Variants in FLT1 observed in about 807,000 individuals in gnomAD.
The protein encoded by FLT1 is vascular endothelial growth factor receptor 1.
In FLT1, 49 loss-of-function variants were observed where a neutral mutation model predicts 156.3. That is an observed-to-expected ratio of 0.31 (90% CI 0.25 to 0.40). The LOEUF is 0.40. Ranked by LOEUF, FLT1 falls within the 10% of genes least tolerant of loss-of-function variation. FLT1 has a pLI of 1.00. For synonymous variants in FLT1, 594 were observed against 583.8 expected, an observed-to-expected ratio of 1.02 and a Z score of -0.25; for missense variants, 1,322 against 1,637.2, an observed-to-expected ratio of 0.81 and a Z score of 3.32.
At chr13:28,333,270 G>A (rs1209663165) in intron 18 of FLT1, among the ~76,000 whole-genome samples, 1 of 152,174 alleles carries the variant, frequency 6.6e-6, no homozygotes, top group Non-Finnish European at 1.5e-5. Flanking sequence ...GTTAAAAGCT[G>A]CTTTTTGAGT....
chr13:28,346,395 G>A (rs1872567178), intron 15 of FLT1: 1 of 152,184 alleles, frequency 6.6e-6, no homozygotes, highest in South Asian at 2.1e-4. Flanking sequence ...GAATTCTAAA[G>A]TAATGCCTTT....
intron 14 of FLT1, among the ~76,000 whole-genome samples, chr13:28,369,614 G>A (rs912534440): frequency 1.3e-5 from 2 of 152,154 alleles, no homozygotes; most frequent in Non-Finnish European, 2.9e-5. Flanking sequence ...GTGACCATGT[G>A]GTTTCTTCTT....
chr13:28,306,815 C>T (rs1366359414), intron 28 of FLT1, 43 bp from the exon 29 acceptor site: 10 of 1,358,478 alleles, frequency 7.4e-6, no homozygotes, highest in Middle Eastern at 1.8e-4. Context: ...CCTGGCCCAG[C>T]GGGGGTCCAT....
At chr13:28,366,241 G>A (rs945923984) in intron 14 of FLT1, among the ~76,000 whole-genome samples, 1 of 152,148 alleles carries the variant, frequency 6.6e-6, no homozygotes, top group Non-Finnish European at 1.5e-5. Flanking sequence ...ATGTACATGG[G>A]GATAAGCTTT....
rs535349633 is a variant in FLT1, at chr13:28,341,023, C to T, written c.2356-1723G>A. The stretch of plus-strand genomic sequence containing the variant: ...TAAACTTTTCAATGTCCTGTATACC[C>T]GAGCCCTGAGAAACAATCTCCAATC... On this transcript the variant is annotated intron_variant, in intron 16 of 29. Transcript: ENST00000282397. Among the ~76,000 whole-genome samples the T allele has an allele frequency of 1.5e-4, 23 of 152,212 alleles. No homozygotes were observed. In the South Asian group the frequency reaches 4.8e-3, roughly 32 times the overall value.
chr13:28,386,280 T>C (rs1874356192), intron 13 of FLT1: 1 of 1,046,730 alleles, frequency 9.6e-7, no homozygotes, highest in Non-Finnish European at 1.2e-6. Flanking sequence ...AGGATTAGCA[T>C]TTGTTAAAGC....
intron 14 of FLT1, chr13:28,368,789 C>G: frequency 1.7e-6 from 1 of 575,500 alleles, no homozygotes; most frequent in Non-Finnish European, 3.1e-6. Flanking sequence ...ACTGCAATCT[C>G]CACCTTCCGG....
intron 1 of FLT1, among the ~76,000 whole-genome samples, chr13:28,475,833 C>G (rs962716125): frequency 2.6e-5 from 4 of 152,192 alleles, no homozygotes; most frequent in African/African-American, 9.7e-5. Flanking sequence ...GACTACACTA[C>G]CAGCTATGCT....
chr13:28,348,820 A>G (rs1484832092), intron 15 of FLT1, among the ~76,000 whole-genome samples: 2 of 152,286 alleles, frequency 1.3e-5, no homozygotes, highest in African/African-American at 4.8e-5. Context: ...GAGGCAGGGG[A>G]ATTGCTTGAA....
intron 3 of FLT1, among the ~76,000 whole-genome samples, chr13:28,450,858 G>T (rs1878888977): frequency 6.6e-6 from 1 of 152,098 alleles, no homozygotes; most frequent in South Asian, 2.1e-4. Context: ...CTGATCTGAG[G>T]CTAGTCTCCC....
chr13:28,340,535 A>T (rs547859852), intron 16 of FLT1, among the ~76,000 whole-genome samples: 2 of 152,330 alleles, frequency 1.3e-5, no homozygotes, highest in South Asian at 4.1e-4. Context: ...GAAAGGAAGC[A>T]TGTTTTCCCA....
At chr13:28,492,821 G>C (rs1263611745) in intron 1 of FLT1, among the ~76,000 whole-genome samples, 1 of 152,130 alleles carries the variant, frequency 6.6e-6, no homozygotes, top group Non-Finnish European at 1.5e-5. Context: ...GAGAAACTAT[G>C]AGTTTTCAAA....
At chr13:28,456,084 T>C (rs970702068) in intron 3 of FLT1, among the ~76,000 whole-genome samples, 1 of 152,208 alleles carries the variant, frequency 6.6e-6, no homozygotes, top group African/African-American at 2.4e-5. Context: ...AACTAGCCTT[T>C]CTATTGCCCT....
At chr13:28,317,986 G>A (rs1034332142) in intron 24 of FLT1, among the ~76,000 whole-genome samples, 3 of 151,992 alleles carry the variant, frequency 2.0e-5, no homozygotes, top group African/African-American at 4.8e-5. Context: ...GAAGAGACGG[G>A]TCTCCCTCTG....
At chr13:28,372,156 A>G (rs1873634261) in intron 14 of FLT1, among the ~76,000 whole-genome samples, 1 of 139,412 alleles carries the variant, frequency 7.2e-6, no homozygotes, top group African/African-American at 2.8e-5. Context: ...ATCTTGGCTC[A>G]CTGCAACCTC....
At chr13:28,348,165 CT>C (rs1872625899) in intron 15 of FLT1, among the ~76,000 whole-genome samples, 1 of 152,172 alleles carries the variant, frequency 6.6e-6, no homozygotes, top group South Asian at 2.1e-4. Flanking sequence ...CTGTGACTGC[CT>C]AAAATAAGGC....
intron 14 of FLT1, among the ~76,000 whole-genome samples, chr13:28,364,533 A>G (rs936204893): frequency 6.6e-6 from 1 of 152,144 alleles, no homozygotes; most frequent in African/African-American, 2.4e-5. Flanking sequence ...TGTTTAAGAG[A>G]TTCATTTACT....
chr13:28,364,877 G>T (rs932330951), intron 14 of FLT1, among the ~76,000 whole-genome samples: 9 of 151,956 alleles, frequency 5.9e-5, no homozygotes, highest in African/African-American at 2.2e-4. Flanking sequence ...TATCTGGTAT[G>T]GCCTCACCAG....
rs1163630929 is a variant in FLT1 at position 28,329,748 on chromosome 13, G to A, written c.2594-20C>T. ...CCCCCTCTGTGTGAGAAGCAAGGAA[G>A]AGTCAGGGCGACAGGACAATGGGGC... On this transcript the variant is annotated intron_variant, in intron 18 of 29. Transcript: ENST00000282397. 3 of 1,592,568 alleles carry A rather than the reference G, an allele frequency of 1.9e-6. No homozygotes were observed. The highest frequency in any genetic ancestry group is 1.3e-5 in the African/African-American group (1 of 74,684).
Sources: allele counts gnomAD v4.1 joint callset (sites outside exome capture counted in the v4.1 genomes callset), GRCh38; gene constraint gnomAD v4.1.1; transcripts MANE v1.5; gene names NCBI Gene and HGNC (gene_info 2026-07-23, HGNC 2026-07-21).